The following CPD variants were observed in gnomAD, a reference collection of about 807,000 sequenced individuals.
The protein encoded by CPD is metallocarboxypeptidase D.
In CPD, 69 loss-of-function variants were observed where a neutral mutation model predicts 138.3. That is an observed-to-expected ratio of 0.50 (90% CI 0.41 to 0.61). The LOEUF is 0.61. CPD is among the 20% of genes least tolerant of loss of function. CPD has a pLI of 0.00. For missense variants in CPD, 1,432 were observed against 1,733.3 expected (o/e 0.83, Z 3.09); for synonymous variants, 651 against 642.1 (o/e 1.01, Z -0.21).
At chr17:30,388,925 G>A (rs1184804576) in intron 2 of CPD, among the ~76,000 whole-genome samples, 2 of 152,142 alleles carry the variant, frequency 1.3e-5, no homozygotes, top group African/African-American at 4.8e-5. Context: ...AGTGGCCCGC[G>A]CAGAGCCTCC....
intron 1 of CPD, among the ~76,000 whole-genome samples, chr17:30,382,814 TTACTAGAA>T (rs1377053448): frequency 1.3e-5 from 2 of 152,210 alleles, no homozygotes; most frequent in Non-Finnish European, 2.9e-5. Context: ...CCATTTTATT[TTACTAGAA>T]TATGAATGCC....
rs768502357 is a variant in CPD at position 30,445,733 on chromosome 17, C to T, written c.2586C>T (p.Gly862=). Residue 862 remains glycine (G), a synonymous_variant, in exon 12 of 21, where the codon GGC becomes GGT. Coordinates refer to ENST00000225719, the MANE Select transcript of CPD (RefSeq NM_001304.5). The stretch of plus-strand genomic sequence containing the variant: ...AGAATGTGACTGTCAAGAGTGAAGG[C>T]GCTATTCAGGTCAACTTCACACTTG... ...VTKNVTVKSE[G]AIQVNFTLVR... The T allele has an allele frequency of 5.6e-6, 9 of 1,612,638 alleles. No homozygotes were observed. Among genetic ancestry groups the T allele is most frequent in the South Asian group, 2.2e-5 (2 of 90,862 alleles).
intron 1 of CPD, among the ~76,000 whole-genome samples, chr17:30,383,085 G>C (rs1911093359): frequency 6.6e-6 from 1 of 152,166 alleles, no homozygotes; most frequent in Admixed American, 6.5e-5. Context: ...ATAGGGGAGA[G>C]GTGGTTAGAG....
chr17:30,463,396 G>A (rs1411671358), intron 20 of CPD, among the ~76,000 whole-genome samples: 2 of 152,174 alleles, frequency 1.3e-5, no homozygotes, highest in African/African-American at 2.4e-5. Context: ...TGGTTAGCAC[G>A]CAGTGGGTCT....
chr17:30,386,953 C>T (rs1023343816), intron 2 of CPD, among the ~76,000 whole-genome samples: 2 of 152,130 alleles, frequency 1.3e-5, no homozygotes, highest in South Asian at 2.1e-4. Flanking sequence ...ATTTTCAATT[C>T]GTCTGGATAT....
chr17:30,412,593 C>G (rs564629749), intron 2 of CPD, among the ~76,000 whole-genome samples: 1 of 152,286 alleles, frequency 6.6e-6, no homozygotes, highest in East Asian at 1.9e-4. Flanking sequence ...TGGCAGACGC[C>G]CCTCCCGCCA....
intron 2 of CPD, among the ~76,000 whole-genome samples, chr17:30,395,760 T>C (rs982971723): frequency 6.6e-6 from 1 of 150,588 alleles, no homozygotes; most frequent in Non-Finnish European, 1.5e-5. Context: ...TTCAAAGAGC[T>C]ATGTGGGAGA....
chr17:30,396,757 C>G (rs1422043167), intron 2 of CPD, among the ~76,000 whole-genome samples: 1 of 152,144 alleles, frequency 6.6e-6, no homozygotes, highest in Non-Finnish European at 1.5e-5. Context: ...CACTTTGAGT[C>G]TTGTTCTTTG....
intron 18 of CPD, 77 bp downstream of exon 18, chr17:30,461,388 T>C: frequency 1.7e-6 from 2 of 1,144,050 alleles, no homozygotes; most frequent in Non-Finnish European, 2.3e-6. Flanking sequence ...ACATTGTCTT[T>C]TACCAAAAAT....
chr17:30,457,022 A>T (rs2143501845), intron 17 of CPD, among the ~76,000 whole-genome samples: 1 of 152,176 alleles, frequency 6.6e-6, no homozygotes, highest in Non-Finnish European at 1.5e-5. Flanking sequence ...ACCATTTTTA[A>T]TTGTACAGTT....
intron 2 of CPD, among the ~76,000 whole-genome samples, chr17:30,411,492 C>T (rs1370377365): frequency 6.6e-6 from 1 of 152,204 alleles, no homozygotes; most frequent in Non-Finnish European, 1.5e-5. Context: ...CTTTCAGGTA[C>T]ACCAATCAAA....
chr17:30,460,108 C>A (rs1913429359), intron 17 of CPD, among the ~76,000 whole-genome samples: 2 of 152,180 alleles, frequency 1.3e-5, no homozygotes, highest in Admixed American at 1.3e-4. Context: ...AAAATTATAT[C>A]TAGTCAGAGA....
Position 30,469,817 on chromosome 17 carries a change from T to A in CPD, c.*5003T>A, listed in dbSNP as rs1460601490. The A allele has an allele frequency of 1.3e-5, 2 of 152,202 alleles. No homozygotes were observed. The highest frequency in any genetic ancestry group is 2.4e-5 in the African/African-American group (1 of 41,454). 9.4% of individuals were successfully genotyped at this position (152,202 alleles called of 1,614,324 possible). A position where few individuals can be genotyped will look rare whatever the true frequency, so the allele number is the denominator to read the frequency against. ...AGGAAGTGTGAATAGTGATAACAGTTCTTTTTCTCTCAGTGTTTGAAATAT... is the reference window on the plus strand; with the variant it reads ...AGGAAGTGTGAATAGTGATAACAGTACTTTTTCTCTCAGTGTTTGAAATAT... On this transcript the variant is annotated 3_prime_UTR_variant, in exon 21 of 21. Coordinates refer to ENST00000225719, the MANE Select transcript of CPD (RefSeq NM_001304.5).
intron 8 of CPD, among the ~76,000 whole-genome samples, chr17:30,435,419 A>AT (rs1350709801): frequency 6.6e-6 from 1 of 152,060 alleles, no homozygotes; most frequent in African/African-American, 2.4e-5. Context: ...CAAAGAATAG[A>AT]TTTTTTAAAT....
chr17:30,425,666 A>C (rs1022348484), intron 6 of CPD, among the ~76,000 whole-genome samples: 3 of 151,990 alleles, frequency 2.0e-5, no homozygotes, highest in Non-Finnish European at 4.4e-5. Flanking sequence ...AAAAAAAAAA[A>C]AAAAAACAAA....
rs1003569205 is a variant in CPD, at chr17:30,418,806, A to G, written c.995-2035A>G. Among the ~76,000 whole-genome samples, 8 of 152,192 alleles carry G rather than the reference A, an allele frequency of 5.3e-5. No individual in the cohort carries two copies. The South Asian group carries it at 1.0e-3, about 20-fold the overall frequency. On this transcript the variant is annotated intron_variant, in intron 2 of 20. Transcript: ENST00000225719. ...AGATCATCTCCTGAGATGAGATGTC[A>G]TGTCACAAGTATCCTTGTGATCCTG...
chr17:30,463,186 T>C (rs944589096), intron 20 of CPD, among the ~76,000 whole-genome samples: 3 of 152,220 alleles, frequency 2.0e-5, no homozygotes, highest in Non-Finnish European at 2.9e-5. Flanking sequence ...AGGTCTATAC[T>C]CAAACGTCAC....
chr17:30,460,005 G>C (rs940942053), intron 17 of CPD, among the ~76,000 whole-genome samples: 5 of 152,156 alleles, frequency 3.3e-5, no homozygotes, highest in African/African-American at 1.2e-4. Flanking sequence ...TATACTGCCT[G>C]GCCTATTGTA....
intron 9 of CPD, 45 bp downstream of exon 9, chr17:30,439,122 C>G: frequency 1.9e-6 from 2 of 1,070,874 alleles, no homozygotes. Context: ...GATGGCCTTT[C>G]TGCTTTCCTA....
Sources: gnomAD v4.1 joint callset for allele counts (sites outside exome capture counted in the v4.1 genomes callset) on GRCh38, gnomAD v4.1.1 for gene constraint, MANE v1.5 for transcripts, NCBI Gene and HGNC (gene_info 2026-07-23, HGNC 2026-07-21) for gene names.